BABAM2: variants seen among roughly 807,000 people sequenced by gnomAD.
BABAM2 encodes the protein BRISC and BRCA1-A complex member 2.
A neutral mutation model predicts 54.7 loss-of-function variants in BABAM2; 31 were observed. That is an observed-to-expected ratio of 0.57 (90% CI 0.43 to 0.77). The LOEUF (loss-of-function observed/expected upper bound fraction) is 0.77, where lower values mean the gene tolerates loss of function less well. BABAM2 is among the 30% of genes least tolerant of loss of function. BABAM2 has a pLI of 0.00. For missense variants in BABAM2, 364 were observed against 455.8 expected (o/e 0.80, Z 1.83); for synonymous variants, 167 against 162.9 (o/e 1.03, Z -0.19).
intron 11 of BABAM2, chr2:28,308,791 A>G (rs1688792412): frequency 5.8e-6 from 1 of 172,748 alleles, no homozygotes. Context: ...AAGTCAAGAC[A>G]TAGCTGGGTT....
At chr2:27,932,470 G>A (rs1045518636) in intron 3 of BABAM2, among the ~76,000 whole-genome samples, 2 of 152,058 alleles carry the variant, frequency 1.3e-5, no homozygotes, top group Admixed American at 6.5e-5. Context: ...CAAATAAAAG[G>A]TATTCATTTC....
chr2:28,012,411 T>C (rs1002870226), intron 4 of BABAM2, among the ~76,000 whole-genome samples: 1 of 152,254 alleles, frequency 6.6e-6, no homozygotes, highest in African/African-American at 2.4e-5. Flanking sequence ...AAAATAGTTT[T>C]AATGTTTAGG....
chr2:28,261,133 G>A (rs1684470915), intron 10 of BABAM2, among the ~76,000 whole-genome samples: 1 of 151,144 alleles, frequency 6.6e-6, no homozygotes, highest in Non-Finnish European at 1.5e-5. Context: ...GTAGAGACAG[G>A]GTTTCACCAT....
intron 3 of BABAM2, among the ~76,000 whole-genome samples, chr2:27,975,948 G>A (rs1671571567): frequency 6.6e-6 from 1 of 152,004 alleles, no homozygotes; most frequent in Non-Finnish European, 1.5e-5. Context: ...ATGAAAAGAT[G>A]CTCAACTTTA....
intron 11 of BABAM2, chr2:28,308,605 C>A: frequency 2.4e-6 from 1 of 416,576 alleles, no homozygotes; most frequent in Non-Finnish European, 4.6e-6. Flanking sequence ...CTAGTTGATT[C>A]TATGTATATG....
In BABAM2 at chr2:27,970,074, C is replaced by CT. The variant is rs1671096190; in HGVS notation, c.206-17916dup. ...TCCTCATTTCCAAATCCTTTTTATTCTTTAATTTTTTTGGTATATAGTCTA... is the reference window on the plus strand; with the variant it reads ...TCCTCATTTCCAAATCCTTTTTATTCTTTTAATTTTTTTGGTATATAGTCTA... On this transcript the variant is annotated intron_variant, in intron 3 of 11. Coordinates refer to ENST00000379624, the MANE Select transcript of BABAM2 (RefSeq NM_199191.3). Among the ~76,000 whole-genome samples, 3 of 152,130 alleles carry CT rather than the reference C, an allele frequency of 2.0e-5. No individual in the cohort carries two copies. The South Asian group carries it at 6.2e-4, about 32-fold the overall frequency.
intron 7 of BABAM2, among the ~76,000 whole-genome samples, chr2:28,131,067 A>ATTTTTTTTTTTTTT: frequency 6.0e-4 from 1 of 1,670 alleles, no homozygotes; most frequent in East Asian, 0.01. Context: ...TATTATTATT[A>ATTTTTTTTTTTTTT]TTATTATTAT....
intron 7 of BABAM2, among the ~76,000 whole-genome samples, chr2:28,175,069 C>A (rs771319723): frequency 6.6e-5 from 10 of 152,190 alleles, no homozygotes; most frequent in Non-Finnish European, 1.2e-4. Flanking sequence ...CAACCACCAT[C>A]CCAACTAGCG....
intron 10 of BABAM2, among the ~76,000 whole-genome samples, chr2:28,279,943 C>T (rs189760457): frequency 2.6e-5 from 4 of 152,164 alleles, no homozygotes; most frequent in Non-Finnish European, 5.9e-5. Context: ...GCTGGGATTA[C>T]AGGCATGAGC....
intron 10 of BABAM2, among the ~76,000 whole-genome samples, chr2:28,294,362 A>C (rs1188939798): frequency 2.0e-5 from 3 of 151,686 alleles, no homozygotes; most frequent in Non-Finnish European, 4.4e-5. Flanking sequence ...CCTGGGCGAC[A>C]CAGTGAGACT....
intron 2 of BABAM2, among the ~76,000 whole-genome samples, chr2:27,899,615 G>A (rs542579011): frequency 2.6e-5 from 4 of 152,092 alleles, no homozygotes; most frequent in South Asian, 2.1e-4. Context: ...TACAGCGTCC[G>A]CCACCATGCC....
Position 27,949,304 on chromosome 2 carries a change from A to C in BABAM2, c.205+19396A>C, listed in dbSNP as rs576962768. Among the ~76,000 whole-genome samples, 9 of 152,288 alleles carry C rather than the reference A, an allele frequency of 5.9e-5. 1 individual carries two copies. The highest frequency in any genetic ancestry group is 2.2e-4 in the African/African-American group (9 of 41,570). ...TCCCAGCACTTTGGGAGGCCGAGACAGGCGGATCACCTGAGGTCAGGAGTT... is the reference window on the plus strand; with the variant it reads ...TCCCAGCACTTTGGGAGGCCGAGACCGGCGGATCACCTGAGGTCAGGAGTT... On this transcript the variant is annotated intron_variant, in intron 3 of 11. Transcript: ENST00000379624.
At chr2:27,948,928 C>T (rs1361577752) in intron 3 of BABAM2, among the ~76,000 whole-genome samples, 1 of 151,986 alleles carries the variant, frequency 6.6e-6, no homozygotes, top group Non-Finnish European at 1.5e-5. Context: ...CCCTTTTATA[C>T]CTAGTTAGTT....
chr2:27,952,637 T>C (rs1024341787), intron 3 of BABAM2, among the ~76,000 whole-genome samples: 12 of 152,224 alleles, frequency 7.9e-5, no homozygotes, highest in African/African-American at 2.4e-4. Context: ...CTGGGATATT[T>C]GAGACAGAAG....
intron 7 of BABAM2, among the ~76,000 whole-genome samples, chr2:28,169,491 T>C (rs750464622): frequency 4.6e-5 from 7 of 152,104 alleles, no homozygotes; most frequent in Non-Finnish European, 1.0e-4. Flanking sequence ...AATATAAATA[T>C]CCAGGCCAGG....
chr2:28,048,399 A>G (rs566724419), intron 6 of BABAM2, among the ~76,000 whole-genome samples: 1 of 152,326 alleles, frequency 6.6e-6, no homozygotes, highest in African/African-American at 2.4e-5. Flanking sequence ...GATAGAGTGA[A>G]TTTATTCTGA....
intron 3 of BABAM2, among the ~76,000 whole-genome samples, chr2:27,932,828 C>T (rs1179895757): frequency 1.3e-5 from 2 of 152,170 alleles, no homozygotes; most frequent in African/African-American, 2.4e-5. Context: ...CACATTATTA[C>T]AGGTCAAAGC....
At chr2:28,195,694 C>G (rs1333278674) in intron 7 of BABAM2, among the ~76,000 whole-genome samples, 1 of 152,146 alleles carries the variant, frequency 6.6e-6, no homozygotes, top group Admixed American at 6.5e-5. Context: ...ATATAGACAG[C>G]CTGTCTTTAT....
chr2:28,105,981 A>G (rs569315989), intron 6 of BABAM2, among the ~76,000 whole-genome samples: 18 of 152,032 alleles, frequency 1.2e-4, no homozygotes, highest in Admixed American at 8.5e-4. Flanking sequence ...TTCCTTTAAA[A>G]GAAAATTTCA....
Sources: allele counts gnomAD v4.1 joint callset (sites outside exome capture counted in the v4.1 genomes callset), GRCh38; gene constraint gnomAD v4.1.1; transcripts MANE v1.5; gene names NCBI Gene and HGNC (gene_info 2026-07-23, HGNC 2026-07-21).